The following NCK1 variants were observed in gnomAD, a reference collection of about 807,000 sequenced individuals.
NCK1 encodes NCK adaptor protein 1, also known as SH2/SH3 adapter protein NCK1.
A neutral mutation model predicts 36.6 loss-of-function variants in NCK1; 19 were observed. That is an observed-to-expected ratio of 0.52 (90% confidence interval 0.36 to 0.76). NCK1 has a LOEUF of 0.76. Among genes scored for constraint, NCK1 ranks in the 30% least tolerant of loss-of-function variants. The pLI, the probability that NCK1 is intolerant of heterozygous loss-of-function variation, is 0.00. For synonymous variants in NCK1, 165 were observed against 156.0 expected, an observed-to-expected ratio of 1.06 and a Z score of -0.43; for missense variants, 358 against 445.6, an observed-to-expected ratio of 0.80 and a Z score of 1.77.
intron 1 of NCK1, among the ~76,000 whole-genome samples, chr3:136,863,808 G>C (rs377613376): frequency 6.6e-6 from 1 of 151,880 alleles, no homozygotes. Context: ...TGTTTTGTTC[G>C]ATACTGAGGG....
intron 1 of NCK1, among the ~76,000 whole-genome samples, chr3:136,894,365 A>T (rs1347052865): frequency 6.6e-6 from 1 of 152,124 alleles, no homozygotes; most frequent in Non-Finnish European, 1.5e-5. Context: ...GGTAGTAGGG[A>T]TATAATACCC....
chr3:136,922,136 T>TTG (rs1940126518), intron 1 of NCK1, among the ~76,000 whole-genome samples: 1 of 152,216 alleles, frequency 6.6e-6, no homozygotes, highest in South Asian at 2.1e-4. Flanking sequence ...CCATCTGGGT[T>TTG]TGTTATTGGC....
At chr3:136,918,703 A>G (rs530614779) in intron 1 of NCK1, among the ~76,000 whole-genome samples, 10 of 152,278 alleles carry the variant, frequency 6.6e-5, no homozygotes, top group Admixed American at 1.3e-4. Flanking sequence ...CTCATCAGCT[A>G]TCGTTAGTTT....
chr3:136,900,067 G>C (rs9867325), intron 1 of NCK1: 104,626 of 531,822 alleles, frequency 0.2, 12,162 homozygotes, highest in Middle Eastern at 0.26. Flanking sequence ...CATCTCACAG[G>C]CTGCACCATG....
At chr3:136,900,859 G>A (rs1278317479) in intron 1 of NCK1, among the ~76,000 whole-genome samples, 1 of 152,046 alleles carries the variant, frequency 6.6e-6, no homozygotes, top group African/African-American at 2.4e-5. Context: ...CAGCAAAGAG[G>A]GACAGTTTGA....
intron 1 of NCK1, among the ~76,000 whole-genome samples, chr3:136,908,547 A>G (rs1043486928): frequency 3.3e-5 from 5 of 152,222 alleles, no homozygotes; most frequent in South Asian, 2.1e-4. Context: ...AGAGTCACAC[A>G]TGAAACTGGA....
At chr3:136,938,157 A>G (rs571345795) in intron 2 of NCK1, among the ~76,000 whole-genome samples, 7 of 152,240 alleles carry the variant, frequency 4.6e-5, no homozygotes, top group South Asian at 2.1e-4. Flanking sequence ...ATCAATTGAG[A>G]TAGTCATTTG....
At chr3:136,930,188 C>T (rs1461073571) in intron 2 of NCK1, among the ~76,000 whole-genome samples, 2 of 151,918 alleles carry the variant, frequency 1.3e-5, no homozygotes, top group Non-Finnish European at 2.9e-5. Context: ...ATTTGTTTCG[C>T]AATGGTTGTG....
intron 1 of NCK1, among the ~76,000 whole-genome samples, chr3:136,911,025 GC>G (rs1191641264): frequency 6.6e-6 from 1 of 152,074 alleles, no homozygotes; most frequent in Non-Finnish European, 1.5e-5. Context: ...GTCTTTCTGT[GC>G]CGGCTTATTT....
intron 1 of NCK1, among the ~76,000 whole-genome samples, chr3:136,897,218 A>T (rs896559688): frequency 2.6e-5 from 4 of 152,076 alleles, no homozygotes; most frequent in African/African-American, 9.7e-5. Context: ...CCTCCCAAGT[A>T]GCTGGGATTA....
chr3:136,932,310 A>G (rs1296693599), intron 2 of NCK1, among the ~76,000 whole-genome samples: 2 of 152,092 alleles, frequency 1.3e-5, no homozygotes, highest in African/African-American at 4.8e-5. Context: ...CAGCAACCCC[A>G]AATTTTTATT....
chr3:136,923,139 G>A (rs1034337298), intron 1 of NCK1, among the ~76,000 whole-genome samples: 8 of 151,966 alleles, frequency 5.3e-5, no homozygotes, highest in Non-Finnish European at 1.2e-4. Flanking sequence ...GTGTGCATGT[G>A]TGTGTGTATG....
intron 2 of NCK1, among the ~76,000 whole-genome samples, chr3:136,945,050 T>C (rs1227069907): frequency 6.6e-6 from 1 of 152,176 alleles, no homozygotes; most frequent in African/African-American, 2.4e-5. Context: ...ATGAGGTAAA[T>C]AGAGCTACCT....
intron 1 of NCK1, among the ~76,000 whole-genome samples, chr3:136,881,311 C>T (rs147223272): frequency 6.6e-6 from 1 of 152,268 alleles, no homozygotes; most frequent in Non-Finnish European, 1.5e-5. Flanking sequence ...CCTCTGCCTC[C>T]TGGGTTCAAG....
intron 1 of NCK1, among the ~76,000 whole-genome samples, chr3:136,888,023 TA>T (rs1041392823): frequency 1.3e-5 from 2 of 151,792 alleles, no homozygotes; most frequent in Non-Finnish European, 2.9e-5. Flanking sequence ...CTGCTCACTG[TA>T]ACCTCCGACT....
chr3:136,927,851 C>T (rs1940284479), intron 1 of NCK1, 133 bp from the exon 2 acceptor site: 4 of 678,664 alleles, frequency 5.9e-6, no homozygotes, highest in Non-Finnish European at 1.0e-5. Context: ...TTACTATTTG[C>T]CTCATGTATT....
intron 1 of NCK1, among the ~76,000 whole-genome samples, chr3:136,871,296 A>G (rs888187687): frequency 6.6e-6 from 1 of 152,040 alleles, no homozygotes; most frequent in South Asian, 2.1e-4. Context: ...GCTACTTGCA[A>G]GGCTGGCGGG....
intron 1 of NCK1, among the ~76,000 whole-genome samples, chr3:136,895,487 TC>T (rs1400853559): frequency 6.6e-6 from 1 of 152,196 alleles, no homozygotes; most frequent in Non-Finnish European, 1.5e-5. Flanking sequence ...TTTATTTTTT[TC>T]ATCTTTTCTC....
intron 1 of NCK1, among the ~76,000 whole-genome samples, chr3:136,866,175 A>G (rs1180784889): frequency 6.6e-6 from 1 of 151,758 alleles, no homozygotes; most frequent in Non-Finnish European, 1.5e-5. Flanking sequence ...GGCCAGCACT[A>G]TTTCTTTCTT....
Sources: gnomAD v4.1 joint callset for allele counts (sites outside exome capture counted in the v4.1 genomes callset) on GRCh38, gnomAD v4.1.1 for gene constraint, MANE v1.5 for transcripts, NCBI Gene and HGNC (gene_info 2026-07-23, HGNC 2026-07-21) for gene names.